BET1: variants seen among roughly 807,000 people sequenced by gnomAD.
BET1 encodes the protein BET1 homolog.
BET1 carries 9 observed loss-of-function variants against 13.9 expected under a neutral mutation model. The observed-to-expected ratio is 0.65, with a 90% CI of 0.39 to 1.13. BET1 has a LOEUF of 1.13. Among genes scored for constraint, BET1 ranks in the 50% most tolerant of loss-of-function variants. BET1 has a pLI of 0.01. For missense variants in BET1, 127 were observed against 133.6 expected, an observed-to-expected ratio of 0.95 and a Z score of 0.24; for synonymous variants, 39 against 47.3, an observed-to-expected ratio of 0.82 and a Z score of 0.72.
intron 4 of BET1, among the ~76,000 whole-genome samples, chr7:93,984,426 C>T (rs2041518): frequency 0.4 from 61,032 of 151,932 alleles, 12,954 homozygotes; most frequent in East Asian, 0.56. Flanking sequence ...TGGACAACTA[C>T]GTCAAACCTT....
At chr7:93,980,311 C>T (rs1428163516) in intron 4 of BET1, among the ~76,000 whole-genome samples, 1 of 152,108 alleles carries the variant, frequency 6.6e-6, no homozygotes, top group East Asian at 1.9e-4. Flanking sequence ...AAGCCCAAGA[C>T]ACTATTTTTT....
downstream of BET1, chr7:93,992,276 T>C: frequency 1.0e-6 from 1 of 985,342 alleles, no homozygotes; most frequent in Non-Finnish European, 1.2e-6. Flanking sequence ...TCCTGAAATC[T>C]CTATCTGCTT....
chr7:93,963,635 A>G (rs1795132073), exon 7 of BET1: 1 of 152,088 alleles, frequency 6.6e-6, no homozygotes, highest in Non-Finnish European at 1.5e-5. Flanking sequence ...AGTTGTCTTC[A>G]ATTTGTTAAA....
intron 2 of BET1, among the ~76,000 whole-genome samples, chr7:93,997,758 T>C (rs892055174): frequency 2.6e-5 from 4 of 152,232 alleles, no homozygotes; most frequent in African/African-American, 9.6e-5. Flanking sequence ...GTGTAATTCT[T>C]TGGTTCAATA....
At chr7:93,987,815 T>G (rs1307489970) in intron 4 of BET1, among the ~76,000 whole-genome samples, 1 of 152,242 alleles carries the variant, frequency 6.6e-6, no homozygotes, top group African/African-American at 2.4e-5. Flanking sequence ...CTTTCCTCAG[T>G]TGTTCTTCCA....
In BET1 at chr7:93,968,175, C is replaced by G. The variant is rs142489292; in HGVS notation, c.*138-2488G>C. ...TCTAAACATTAGCAAACATAACTAA[C>G]CAAATATAATGTATTAATAAGTCTT... On this transcript the variant is annotated intron_variant and NMD_transcript_variant, in intron 6 of 6. Coordinates refer to the BET1 transcript ENST00000357520. Among the ~76,000 whole-genome samples, 923 of 151,864 alleles carry G rather than the reference C, an allele frequency of 6.1e-3. 10 individuals are homozygous for G. The highest frequency in any genetic ancestry group is 0.021 in the African/African-American group (859 of 41,504).
intron 4 of BET1, among the ~76,000 whole-genome samples, chr7:93,979,591 G>A (rs1262851192): frequency 6.6e-6 from 1 of 151,958 alleles, no homozygotes; most frequent in Non-Finnish European, 1.5e-5. Flanking sequence ...AACTAACTGA[G>A]GGACTCCTGC....
At chr7:93,984,311 T>C (rs1795484262) in intron 4 of BET1, among the ~76,000 whole-genome samples, 1 of 152,196 alleles carries the variant, frequency 6.6e-6, no homozygotes, top group Non-Finnish European at 1.5e-5. Context: ...ACCTAGATTA[T>C]ATCTGCAATG....
chr7:93,974,302 A>G lies in BET1; in HGVS notation c.*48+1602T>C, dbSNP rs550490231. Among the ~76,000 whole-genome samples, 99 of 152,160 alleles carry G rather than the reference A, an allele frequency of 6.5e-4. 1 individual carries two copies. The South Asian group carries it at 0.016, about 25-fold the overall frequency. On this transcript the variant is annotated intron_variant and NMD_transcript_variant, in intron 5 of 6. Coordinates refer to the BET1 transcript ENST00000357520. ...TCACTGACAGGTACTAAAAGTAGTG[A>G]CACTCTGTTAGTAGTAAGCACACCT...
chr7:94,000,538 A>T (rs778167834), intron 1 of BET1, among the ~76,000 whole-genome samples: 2 of 152,144 alleles, frequency 1.3e-5, no homozygotes, highest in Non-Finnish European at 2.9e-5. Context: ...CAGGATTACT[A>T]AAGATAAAAC....
At chr7:93,983,283 G>A (rs147527100) in intron 4 of BET1, among the ~76,000 whole-genome samples, 8 of 152,060 alleles carry the variant, frequency 5.3e-5, no homozygotes, top group East Asian at 1.9e-4. Flanking sequence ...CATGGAGTAC[G>A]TCTCTATTAA....
chr7:93,977,603 A>C (rs917324059), intron 4 of BET1, among the ~76,000 whole-genome samples: 6 of 152,134 alleles, frequency 3.9e-5, no homozygotes, highest in African/African-American at 1.4e-4. Context: ...CAAGATTCAG[A>C]CCTCAGCTCT....
intron 4 of BET1, chr7:93,987,111 T>C (rs1346061951): frequency 6.6e-6 from 1 of 152,116 alleles, no homozygotes; most frequent in South Asian, 2.1e-4. Context: ...AAGGGTTTTT[T>C]TGTTTTTGTT....
downstream of BET1, chr7:93,991,683 C>T (rs1023782347): frequency 1.8e-4 from 114 of 621,794 alleles, no homozygotes; most frequent in African/African-American, 2.1e-3. Context: ...GGTCATCAGC[C>T]CAAAGTCATA....
rs144291229 is a variant in BET1 at position 93,984,264 on chromosome 7, T to C, written c.236-8164A>G. 2.3e-3 allele frequency among the ~76,000 whole-genome samples: 350 copies of C among 152,270 alleles called. 2 individuals are homozygous for C. Among genetic ancestry groups the C allele is most frequent in the African/African-American group, 7.8e-3 (323 of 41,560 alleles). ...CCTCTTGTAAGGACATTAGTCATTG[T>C]ATTAGGGCTCACCCTAACCCAGTGT... is the stretch of plus-strand genomic sequence containing the variant. On this transcript the variant is annotated intron_variant and NMD_transcript_variant, in intron 4 of 6. Transcript: ENST00000357520.
At chr7:93,991,140 C>G (rs916330090), downstream of BET1, among the ~76,000 whole-genome samples, 20 of 152,310 alleles carry the variant, frequency 1.3e-4, no homozygotes, top group Non-Finnish European at 2.6e-4. Flanking sequence ...ACAATAACCA[C>G]ATGCCTTTTC....
At position 94,004,263 on chromosome 7, in the gene BET1, G is replaced by C; in HGVS notation, c.-47C>G. 6.2e-7 allele frequency: 1 copy of C among 1,613,958 alleles called. No homozygotes were observed. The highest frequency in any genetic ancestry group is 8.5e-7 in the Non-Finnish European group (1 of 1,179,900). On this transcript the variant is annotated 5_prime_UTR_variant, in exon 1 of 4. Transcript: ENST00000222547. Reference sequence around the variant, plus strand: ...AAGGCGGGTGCGGGGCTTTGGGTGAGTAGGAAACAGCTAGGGGCGACCCGG... The same window carrying C: ...AAGGCGGGTGCGGGGCTTTGGGTGACTAGGAAACAGCTAGGGGCGACCCGG...
chr7:93,976,207 T>TCTCA (rs1271752955), intron 4 of BET1: 20 of 812,884 alleles, frequency 2.5e-5, no homozygotes, highest in Middle Eastern at 4.3e-4. Flanking sequence ...ACAGAAAAAC[T>TCTCA]GAGCAGGTAT....
chr7:93,966,181 AATTG>A (rs1795169613), intron 6 of BET1, among the ~76,000 whole-genome samples: 1 of 151,902 alleles, frequency 6.6e-6, no homozygotes, highest in Non-Finnish European at 1.5e-5. Flanking sequence ...TCCTATGGAG[AATTG>A]ATTGATTGGT....
Sources: gnomAD v4.1 joint callset for allele counts (sites outside exome capture counted in the v4.1 genomes callset) on GRCh38, gnomAD v4.1.1 for gene constraint, MANE v1.5 for transcripts, NCBI Gene and HGNC (gene_info 2026-07-23, HGNC 2026-07-21) for gene names.